SIDT1: variants seen among roughly 807,000 people sequenced by gnomAD.
SIDT1 encodes the protein SID1 transmembrane family member 1.
SIDT1 carries 101 observed loss-of-function variants against 107.5 expected under a neutral mutation model. That is an observed-to-expected ratio of 0.94 (90% CI 0.80 to 1.11). The LOEUF (loss-of-function observed/expected upper bound fraction) is 1.11. Ranked by LOEUF, SIDT1 falls within the 50% of genes least tolerant of loss-of-function variation. The probability of loss-of-function intolerance (pLI) is 0.00; values close to 1 mark genes in which losing one functional copy is unlikely to be tolerated. For synonymous variants in SIDT1, 395 were observed against 398.2 expected (o/e 0.99, Z 0.10); for missense variants, 1,076 against 1,058.2 (o/e 1.02, Z -0.23).
At chr3:113,539,495 AT>A (rs1031923729) in intron 1 of SIDT1, among the ~76,000 whole-genome samples, 2 of 149,214 alleles carry the variant, frequency 1.3e-5, no homozygotes, top group Non-Finnish European at 2.9e-5. Context: ...AGGGGTCCTT[AT>A]TAAGAATGGA....
intron 9 of SIDT1, 53 bp downstream of exon 9, chr3:113,585,323 C>T (rs902698861): frequency 4.6e-5 from 61 of 1,332,018 alleles, no homozygotes; most frequent in Non-Finnish European, 6.2e-5. Context: ...CTCTGTGTAA[C>T]GCTTGCAGCA....
chr3:113,621,447 A>G (rs1946457914), intron 21 of SIDT1, among the ~76,000 whole-genome samples: 2 of 151,864 alleles, frequency 1.3e-5, no homozygotes, highest in African/African-American at 4.8e-5. Context: ...TCAAAAAAAA[A>G]GAAAAAAAAA....
At chr3:113,608,763 T>G (rs1204248909) in intron 17 of SIDT1, among the ~76,000 whole-genome samples, 1 of 152,162 alleles carries the variant, frequency 6.6e-6, no homozygotes, top group Non-Finnish European at 1.5e-5. Context: ...AATAAGGACA[T>G]CCAGATGTAG....
At chr3:113,541,925 CTTTT>C (rs34308658) in intron 1 of SIDT1, among the ~76,000 whole-genome samples, 2 of 128,222 alleles carry the variant, frequency 1.6e-5, no homozygotes, top group Non-Finnish European at 1.7e-5. Context: ...CTTTTTCTTT[CTTTT>C]TTTTTTTTTT....
At chr3:113,626,325 C>A in intron 24 of SIDT1, 110 bp downstream of exon 24, 2 of 678,380 alleles carry the variant, frequency 2.9e-6, no homozygotes, top group South Asian at 3.8e-5. Flanking sequence ...ATTTTACTTT[C>A]CATTTCCTCC....
chr3:113,573,087 A>G (rs1360803862), intron 3 of SIDT1, among the ~76,000 whole-genome samples: 1 of 151,906 alleles, frequency 6.6e-6, no homozygotes, highest in African/African-American at 2.4e-5. Flanking sequence ...TAGAATGAGT[A>G]GGACCTGGTG....
chr3:113,616,521 G>A (rs565461271), intron 20 of SIDT1, among the ~76,000 whole-genome samples: 75 of 152,162 alleles, frequency 4.9e-4, no homozygotes, highest in African/African-American at 1.7e-3. Context: ...CATGGGAGGA[G>A]GGAGAAGATC....
chr3:113,581,554 T>G (rs1475585484), intron 6 of SIDT1, 110 bp downstream of exon 6: 1 of 844,242 alleles, frequency 1.2e-6, no homozygotes, highest in African/African-American at 1.7e-5. Context: ...GCCTAGGATC[T>G]CCTTCCTTTC....
chr3:113,567,395 G>A, intron 2 of SIDT1, 145 bp from the exon 3 acceptor site: 1 of 635,426 alleles, frequency 1.6e-6, no homozygotes, highest in Non-Finnish European at 2.7e-6. Flanking sequence ...AATTACTATT[G>A]ATAGTTCCAG....
chr3:113,551,758 C>T (rs915599137), intron 1 of SIDT1, among the ~76,000 whole-genome samples: 4 of 151,896 alleles, frequency 2.6e-5, no homozygotes, highest in African/African-American at 7.3e-5. Flanking sequence ...TTTCAAAGAG[C>T]CACAGCCTCC....
intron 1 of SIDT1, among the ~76,000 whole-genome samples, chr3:113,541,333 C>G (rs1471950068): frequency 1.3e-5 from 2 of 152,072 alleles, no homozygotes; most frequent in African/African-American, 4.8e-5. Flanking sequence ...CCACACCCAG[C>G]TAGTTTTTGT....
rs182016612 is a variant in SIDT1, at chr3:113,605,064, C to T, written c.1404+88C>T. The T allele has an allele frequency of 3.2e-3, 4,418 of 1,390,124 alleles. 6 individuals carry two copies. The highest frequency in any genetic ancestry group is 3.9e-3 in the Non-Finnish European group (3,865 of 996,114). 86.1% of individuals were successfully genotyped at this position (1,390,124 alleles called of 1,614,324 possible). ...CTGTGACTGACAGAGAGAGGTACAA[C>T]TTAGGATCCATTCAGGAATTTCCCA... On this transcript the variant is annotated intron_variant, in intron 14 of 24. Coordinates refer to ENST00000264852, the MANE Select transcript of SIDT1 (RefSeq NM_017699.3).
At chr3:113,549,472 C>T (rs1939969461) in intron 1 of SIDT1, among the ~76,000 whole-genome samples, 1 of 152,172 alleles carries the variant, frequency 6.6e-6, no homozygotes, top group South Asian at 2.1e-4. Flanking sequence ...ATAGTGGCAT[C>T]TGATTGTTGC....
chr3:113,622,567 T>C (rs757498432), intron 21 of SIDT1, among the ~76,000 whole-genome samples: 1 of 150,146 alleles, frequency 6.7e-6, no homozygotes, highest in Non-Finnish European at 1.5e-5. Context: ...TGGAACAAAA[T>C]TAAAGCTGAG....
chr3:113,595,587 A>G (rs1164252129), intron 10 of SIDT1, among the ~76,000 whole-genome samples: 1 of 151,892 alleles, frequency 6.6e-6, no homozygotes, highest in Admixed American at 6.6e-5. Flanking sequence ...TCAAAAAAAA[A>G]AAAAGCCTCC....
chr3:113,573,426 G>A (rs1576812923), intron 3 of SIDT1, among the ~76,000 whole-genome samples: 1 of 152,180 alleles, frequency 6.6e-6, no homozygotes, highest in Admixed American at 6.5e-5. Context: ...AAGGCTGTGG[G>A]TAACATTCTC....
At position 113,554,353 on chromosome 3, in the gene SIDT1, T is replaced by C. The variant is rs1219590658; in HGVS notation, c.223-12067T>C. 3.3e-5 allele frequency among the ~76,000 whole-genome samples: 5 copies of C among 152,150 alleles called. No individual in the cohort carries two copies. In the South Asian group the frequency reaches 6.2e-4, roughly 19 times the overall value. ...CCCCATTTGATATGGTTGGGCTGTGTCTCCATCCAAATCTCATCTTGAATT... is the reference window on the plus strand; with the variant it reads ...CCCCATTTGATATGGTTGGGCTGTGCCTCCATCCAAATCTCATCTTGAATT... On this transcript the variant is annotated intron_variant, in intron 1 of 24. Coordinates refer to ENST00000264852, the MANE Select transcript of SIDT1 (RefSeq NM_017699.3).
chr3:113,541,381 G>C (rs956628767), intron 1 of SIDT1, among the ~76,000 whole-genome samples: 1 of 152,144 alleles, frequency 6.6e-6, no homozygotes, highest in Non-Finnish European at 1.5e-5. Flanking sequence ...TGTTGCCCAG[G>C]CTGGTCTTGA....
chr3:113,591,733 A>C (rs893878892), intron 9 of SIDT1, among the ~76,000 whole-genome samples: 1 of 152,236 alleles, frequency 6.6e-6, no homozygotes, highest in Non-Finnish European at 1.5e-5. Flanking sequence ...TGTGGAAAAC[A>C]GTTTGGAAAA....
Sources: gnomAD v4.1 joint callset for allele counts (sites outside exome capture counted in the v4.1 genomes callset) on GRCh38, gnomAD v4.1.1 for gene constraint, MANE v1.5 for transcripts, NCBI Gene and HGNC (gene_info 2026-07-23, HGNC 2026-07-21) for gene names.